The following GRIN2B variants were observed in gnomAD, a reference collection of about 807,000 sequenced individuals.
The protein encoded by GRIN2B is glutamate receptor ionotropic, NMDA 2B.
In GRIN2B, 5 loss-of-function variants were observed where a neutral mutation model predicts 114.5. The observed-to-expected ratio is 0.04, with a 90% CI of 0.02 to 0.09. The LOEUF is 0.09. Among genes scored for constraint, GRIN2B ranks in the 10% least tolerant of loss-of-function variants. GRIN2B has a pLI of 1.00. For synonymous variants in GRIN2B, 787 were observed against 745.1 expected (o/e 1.06, Z -0.92); for missense variants, 1,108 against 1,943.5 (o/e 0.57, Z 8.08).
rs558951882 is a variant in GRIN2B at position 13,548,645 on chromosome 12, C to T, written c.*14138G>A. Reference sequence around the variant, plus strand: ...ACTCATGAAAAAGATGAAGTCACCACGGAGTCAAGGTAGAAATAGCTACTG... The same window carrying T: ...ACTCATGAAAAAGATGAAGTCACCATGGAGTCAAGGTAGAAATAGCTACTG... On this transcript the variant is annotated 3_prime_UTR_variant, in exon 14 of 14. Transcript: ENST00000609686. 1.3e-5 allele frequency: 2 copies of T among 152,118 alleles called. No individual in the cohort carries two copies. Among genetic ancestry groups the T allele is most frequent in the African/African-American group, 2.4e-5 (1 of 41,482 alleles). 9.4% of individuals were successfully genotyped at this position (152,118 alleles called of 1,614,324 possible). A position where few individuals can be genotyped will look rare whatever the true frequency, so the allele number is the denominator to read the frequency against.
chr12:13,933,012 T>G (rs183780143), intron 2 of GRIN2B, among the ~76,000 whole-genome samples: 220 of 151,952 alleles, frequency 1.4e-3, no homozygotes, highest in African/African-American at 5.2e-3. Context: ...TGTGTTTGTG[T>G]GAATGGCCAC....
intron 5 of GRIN2B, among the ~76,000 whole-genome samples, chr12:13,655,032 C>T (rs1166571252): frequency 6.6e-6 from 1 of 152,118 alleles, no homozygotes; most frequent in Non-Finnish European, 1.5e-5. Flanking sequence ...CTTCCACAGC[C>T]TTCTCCCTAT....
At chr12:13,827,343 A>T (rs1377649082) in intron 3 of GRIN2B, among the ~76,000 whole-genome samples, 1 of 150,138 alleles carries the variant, frequency 6.7e-6, no homozygotes, top group Non-Finnish European at 1.5e-5. Flanking sequence ...CAAATGTGGA[A>T]TTCTATTTTT....
chr12:13,978,698 C>T (rs760073598), intron 2 of GRIN2B, among the ~76,000 whole-genome samples: 2 of 152,144 alleles, frequency 1.3e-5, no homozygotes, highest in African/African-American at 4.8e-5. Context: ...CCAACCTGAT[C>T]CCTGCATTTA....
intron 5 of GRIN2B, 104 bp downstream of exon 5, chr12:13,675,641 A>C: frequency 1.3e-6 from 1 of 776,152 alleles, no homozygotes; most frequent in South Asian, 1.4e-5. Flanking sequence ...CCCTTGCTCC[A>C]CAGGTCTAGG....
At chr12:13,923,687 C>T (rs772116382) in intron 2 of GRIN2B, among the ~76,000 whole-genome samples, 1 of 152,148 alleles carries the variant, frequency 6.6e-6, no homozygotes, top group Non-Finnish European at 1.5e-5. Context: ...CAGCCCTGCT[C>T]TCTTGGGTAG....
intron 5 of GRIN2B, among the ~76,000 whole-genome samples, chr12:13,626,877 C>CA (rs1949574398): frequency 7.1e-6 from 1 of 141,072 alleles, no homozygotes; most frequent in South Asian, 2.5e-4. Flanking sequence ...TGAACTGCCC[C>CA]TTCCTCAACT....
chr12:13,890,958 T>C (rs1866251238), intron 2 of GRIN2B, among the ~76,000 whole-genome samples: 2 of 152,246 alleles, frequency 1.3e-5, no homozygotes, highest in South Asian at 4.1e-4. Flanking sequence ...TGAGGCCTCT[T>C]AAGGCAATGG....
intron 2 of GRIN2B, among the ~76,000 whole-genome samples, chr12:13,917,350 T>C (rs1591620178): frequency 6.6e-6 from 1 of 152,200 alleles, no homozygotes; most frequent in Admixed American, 6.5e-5. Context: ...CTGCTGCAGA[T>C]AGCCAACTAT....
chr12:13,977,458 A>G (rs931220173), intron 2 of GRIN2B: 1 of 152,048 alleles, frequency 6.6e-6, no homozygotes, highest in Non-Finnish European at 1.5e-5. Flanking sequence ...GAAATCACCC[A>G]CCTAATGTCC....
chr12:13,566,845 C>T (rs891497620), intron 13 of GRIN2B, among the ~76,000 whole-genome samples, 180 bp downstream of exon 13: 1 of 152,170 alleles, frequency 6.6e-6, no homozygotes, highest in African/African-American at 2.4e-5. Flanking sequence ...ATAGTATCAC[C>T]CACTTTTCTG....
At chr12:13,912,814 G>A (rs375595380) in intron 2 of GRIN2B, among the ~76,000 whole-genome samples, 33 of 152,158 alleles carry the variant, frequency 2.2e-4, no homozygotes, top group East Asian at 1.7e-3. Context: ...CACTTTTGGC[G>A]CCTCCCAATG....
intron 4 of GRIN2B, among the ~76,000 whole-genome samples, chr12:13,736,908 T>C (rs1050128429): frequency 6.6e-6 from 1 of 151,292 alleles, no homozygotes; most frequent in Non-Finnish European, 1.5e-5. Context: ...GTAGCGCCTA[T>C]AATCCCAGCT....
chr12:13,695,209 A>T (rs1950249587), intron 4 of GRIN2B, among the ~76,000 whole-genome samples: 2 of 152,138 alleles, frequency 1.3e-5, no homozygotes, highest in Admixed American at 1.3e-4. Flanking sequence ...AACAGACAGG[A>T]TAGGAAACCA....
At chr12:13,803,645 G>A (rs2300272) in intron 3 of GRIN2B, among the ~76,000 whole-genome samples, 67,828 of 152,080 alleles carry the variant, frequency 0.45, 16,277 homozygotes, top group Non-Finnish European at 0.55. Context: ...CGTAAAAACT[G>A]TAATAAAATT....
chr12:13,813,281 G>A (rs1864767253), intron 3 of GRIN2B, among the ~76,000 whole-genome samples: 1 of 152,076 alleles, frequency 6.6e-6, no homozygotes, highest in Non-Finnish European at 1.5e-5. Flanking sequence ...TAAAGACCAA[G>A]CAATAAAGCT....
At chr12:13,703,668 C>T (rs1950332047) in intron 4 of GRIN2B, among the ~76,000 whole-genome samples, 1 of 151,992 alleles carries the variant, frequency 6.6e-6, no homozygotes, top group South Asian at 2.1e-4. Flanking sequence ...TTAATCAACC[C>T]CCTCTTCATG....
intron 10 of GRIN2B, among the ~76,000 whole-genome samples, chr12:13,593,322 G>C (rs996568916): frequency 1.2e-4 from 19 of 152,144 alleles, no homozygotes; most frequent in Admixed American, 7.2e-4. Context: ...AACAAAAACA[G>C]CATGGTACTG....
intron 10 of GRIN2B, among the ~76,000 whole-genome samples, chr12:13,586,369 C>A (rs938718833): frequency 2.0e-5 from 3 of 152,084 alleles, no homozygotes; most frequent in Non-Finnish European, 4.4e-5. Context: ...CTAAAAGTGG[C>A]AAGGGGACAT....
Sources: allele counts gnomAD v4.1 joint callset (sites outside exome capture counted in the v4.1 genomes callset), GRCh38; gene constraint gnomAD v4.1.1; transcripts MANE v1.5; gene names NCBI Gene and HGNC (gene_info 2026-07-23, HGNC 2026-07-21).